PTPRD: variants seen among roughly 807,000 people sequenced by gnomAD.
PTPRD encodes the protein receptor-type tyrosine-protein phosphatase delta.
PTPRD carries 34 observed loss-of-function variants against 214.5 expected under a neutral mutation model. That is an observed-to-expected ratio of 0.16 (90% CI 0.12 to 0.21). PTPRD has a LOEUF of 0.21. PTPRD is among the 10% of genes least tolerant of loss of function. The probability of loss-of-function intolerance (pLI) is 1.00; values close to 1 mark genes in which losing one functional copy is unlikely to be tolerated. For synonymous variants in PTPRD, 1,128 were observed against 845.7 expected (o/e 1.33, Z -5.79); for missense variants, 2,545 against 2,398.7 (o/e 1.06, Z -1.27).
chr9:10,130,901 G>A (rs1489788596), intron 3 of PTPRD, among the ~76,000 whole-genome samples: 1 of 152,098 alleles, frequency 6.6e-6, no homozygotes, highest in Non-Finnish European at 1.5e-5. Context: ...AAAGAAATGT[G>A]CAAAGTAGTT....
chr9:8,316,105 G>T lies in PTPRD; in HGVS notation c.*1769C>A, dbSNP rs560016721. ...ATAAATAAAACAAGTAGCTTTTTCT[G>T]ATGTTGATGATTGATTATAAAAGGA... is the stretch of plus-strand genomic sequence containing the variant. On this transcript the variant is annotated 3_prime_UTR_variant, in exon 46 of 46. Transcript: ENST00000381196. The T allele has an allele frequency of 8.7e-6, 2 of 229,740 alleles. No individual in the cohort carries two copies. Among genetic ancestry groups the T allele is most frequent in the Non-Finnish European group, 1.7e-5 (2 of 115,682 alleles). The allele number at this position is 229,740 out of a possible 1,614,324, so 14.2% of individuals were successfully genotyped here.
rs181607588 is a variant in PTPRD at position 9,552,980 on chromosome 9, C to T, written c.-237+21752G>A. On this transcript the variant is annotated intron_variant, in intron 8 of 45. Coordinates refer to ENST00000381196, the MANE Select transcript of PTPRD (RefSeq NM_002839.4). Reference sequence around the variant, plus strand: ...GCTAATTTAAGTGGACTGTCTTCTTCCATTTCAAAAAATGAAAGCAATTAT... The same window carrying T: ...GCTAATTTAAGTGGACTGTCTTCTTTCATTTCAAAAAATGAAAGCAATTAT... 3.9e-5 allele frequency among the ~76,000 whole-genome samples: 6 copies of T among 152,072 alleles called. No individual in the cohort carries two copies. The East Asian group carries it at 1.2e-3, about 29-fold the overall frequency.
intron 9 of PTPRD, among the ~76,000 whole-genome samples, chr9:9,383,820 G>C (rs886392966): frequency 1.3e-5 from 2 of 151,956 alleles, no homozygotes; most frequent in Non-Finnish European, 2.9e-5. Flanking sequence ...GCTCACAATG[G>C]GGACTCAGGG....
At chr9:9,622,481 C>T (rs986138517) in intron 7 of PTPRD, among the ~76,000 whole-genome samples, 1 of 152,048 alleles carries the variant, frequency 6.6e-6, no homozygotes, top group Admixed American at 6.5e-5. Flanking sequence ...AATGTTATTG[C>T]ATCTCAGAAG....
intron 4 of PTPRD, among the ~76,000 whole-genome samples, chr9:9,977,811 C>T (rs944626215): frequency 3.8e-4 from 58 of 151,562 alleles, no homozygotes; most frequent in African/African-American, 1.3e-3. Context: ...CAACCAAAGC[C>T]GGTTTGAAGA....
chr9:9,237,752 ACTT>A (rs2099967802), intron 9 of PTPRD, among the ~76,000 whole-genome samples: 1 of 152,094 alleles, frequency 6.6e-6, no homozygotes. Flanking sequence ...TCCTGTGAGA[ACTT>A]CTTAGTCAAC....
chr9:8,338,866 G>GAGAGAGAGAGA, intron 43 of PTPRD, 56 bp downstream of exon 43: 1 of 712,480 alleles, frequency 1.4e-6, no homozygotes, highest in Admixed American at 3.2e-5. Context: ...AGAGAGAGAG[G>GAGAGAGAGAGA]TATCTTAGAC....
intron 8 of PTPRD, among the ~76,000 whole-genome samples, chr9:9,472,862 G>A (rs894980365): frequency 2.6e-5 from 4 of 151,976 alleles, no homozygotes; most frequent in African/African-American, 9.7e-5. Context: ...CATATTAATT[G>A]CACAGATTTA....
intron 4 of PTPRD, among the ~76,000 whole-genome samples, chr9:9,962,611 G>C (rs1418087462): frequency 6.6e-6 from 1 of 151,966 alleles, no homozygotes; most frequent in Non-Finnish European, 1.5e-5. Flanking sequence ...TATTTCAGTT[G>C]TCTAAAAGTT....
chr9:9,674,885 G>T (rs556379121), intron 7 of PTPRD, among the ~76,000 whole-genome samples: 1 of 151,774 alleles, frequency 6.6e-6, no homozygotes, highest in African/African-American at 2.4e-5. Flanking sequence ...ACAATAGTGA[G>T]AAATATGAAC....
At chr9:8,817,163 C>T (rs2096937349) in intron 11 of PTPRD, among the ~76,000 whole-genome samples, 1 of 152,194 alleles carries the variant, frequency 6.6e-6, no homozygotes, top group Non-Finnish European at 1.5e-5. Context: ...AGGGCAACTC[C>T]ATTTCTATGA....
intron 3 of PTPRD, among the ~76,000 whole-genome samples, chr9:10,104,705 C>T (rs1876854): frequency 0.18 from 27,595 of 151,770 alleles, 2,724 homozygotes; most frequent in South Asian, 0.32. Flanking sequence ...GTGGATTTAT[C>T]TGAAAATCAT....
intron 3 of PTPRD, among the ~76,000 whole-genome samples, chr9:10,197,824 G>T (rs553859783): frequency 1.3e-5 from 2 of 152,138 alleles, no homozygotes; most frequent in Admixed American, 1.3e-4. Flanking sequence ...AGGAGAAAGA[G>T]AACAGAGAAG....
intron 14 of PTPRD, among the ~76,000 whole-genome samples, chr9:8,578,363 C>G (rs949136816): frequency 6.6e-6 from 1 of 152,148 alleles, no homozygotes; most frequent in East Asian, 1.9e-4. Flanking sequence ...CACCCTCCAA[C>G]CCCTATATAT....
At chr9:10,515,805 A>G (rs2049893816) in intron 2 of PTPRD, among the ~76,000 whole-genome samples, 1 of 151,732 alleles carries the variant, frequency 6.6e-6, no homozygotes, top group African/African-American at 2.4e-5. Flanking sequence ...TAGTTTGATT[A>G]TTTTTCATAC....
At chr9:9,140,938 T>C (rs1226431601) in intron 10 of PTPRD, among the ~76,000 whole-genome samples, 1 of 152,180 alleles carries the variant, frequency 6.6e-6, no homozygotes, top group East Asian at 1.9e-4. Flanking sequence ...GAAGCTGGAC[T>C]ACCTTTCTCA....
At chr9:8,446,701 T>C (rs973826998) in intron 34 of PTPRD, among the ~76,000 whole-genome samples, 2 of 152,210 alleles carry the variant, frequency 1.3e-5, no homozygotes, top group Non-Finnish European at 2.9e-5. Flanking sequence ...ATAGTAGATA[T>C]ATTAAAAAGC....
At chr9:10,078,480 C>T (rs1444610406) in intron 3 of PTPRD, among the ~76,000 whole-genome samples, 3 of 144,394 alleles carry the variant, frequency 2.1e-5, no homozygotes, top group Non-Finnish European at 3.0e-5. Context: ...CATGCCACTG[C>T]ACTCCAGCCT....
At chr9:8,957,371 AT>A (rs1004151125) in intron 11 of PTPRD, among the ~76,000 whole-genome samples, 5 of 150,544 alleles carry the variant, frequency 3.3e-5, no homozygotes, top group South Asian at 2.1e-4. Context: ...ATGGATCTTC[AT>A]TTTTTTTTAT....
Sources: allele counts gnomAD v4.1 joint callset (sites outside exome capture counted in the v4.1 genomes callset), GRCh38; gene constraint gnomAD v4.1.1; transcripts MANE v1.5; gene names NCBI Gene and HGNC (gene_info 2026-07-23, HGNC 2026-07-21).